The following TRPC1 variants were observed in gnomAD, a reference collection of about 807,000 sequenced individuals.
TRPC1 encodes the protein short transient receptor potential channel 1.
Under a neutral mutation model 88.2 loss-of-function variants are expected in TRPC1, and 42 were observed. The observed-to-expected ratio is 0.48, with a 90% confidence interval of 0.37 to 0.62. The LOEUF (loss-of-function observed/expected upper bound fraction) is 0.62. Ranked by LOEUF, TRPC1 falls within the 20% of genes least tolerant of loss-of-function variation. The probability of loss-of-function intolerance (pLI) is 0.00; values close to 1 mark genes in which losing one functional copy is unlikely to be tolerated. For synonymous variants in TRPC1, 288 were observed against 331.8 expected, an observed-to-expected ratio of 0.87 and a Z score of 1.43; for missense variants, 699 against 957.3, an observed-to-expected ratio of 0.73 and a Z score of 3.56.
rs568345765 is a variant in TRPC1 at position 142,790,326 on chromosome 3, A to G, written c.1298-693A>G. On this transcript the variant is annotated intron_variant, in intron 7 of 12. Coordinates refer to ENST00000476941, the MANE Select transcript of TRPC1 (RefSeq NM_001251845.2). ...TAGGTAATTTGGAGACTTGCAGGCC[A>G]TTGTAAAGACTGGTTTTGATTCTGA... Among the ~76,000 whole-genome samples the G allele has an allele frequency of 3.9e-5, 6 of 152,256 alleles. No homozygotes were observed. In the South Asian group the frequency reaches 1.2e-3, roughly 32 times the overall value.
At position 142,724,870 on chromosome 3, in the gene TRPC1, G is replaced by GA; in HGVS notation, c.172+139_172+140insA. On this transcript the variant is annotated intron_variant, in intron 1 of 12. Coordinates refer to ENST00000476941, the MANE Select transcript of TRPC1 (RefSeq NM_001251845.2). The surrounding 1 kb of genome is among the most constrained non-coding windows in gnomAD (Gnocchi z 5.6). ...TCCCGCCTCGCCTGCTGCCTCAGGC[G>GA]GTCTTCTCCTCACCGCCTCTGCCCT... 5 of 1,035,944 alleles carry GA rather than the reference G, an allele frequency of 4.8e-6. No individual in the cohort carries two copies. The highest frequency in any genetic ancestry group is 5.2e-6 in the Non-Finnish European group (4 of 762,888). 64.2% of individuals were successfully genotyped at this position (1,035,944 alleles called of 1,614,324 possible).
intron 4 of TRPC1, among the ~76,000 whole-genome samples, chr3:142,760,177 T>G (rs1037540630): frequency 1.3e-5 from 2 of 152,206 alleles, no homozygotes; most frequent in Non-Finnish European, 2.9e-5. Flanking sequence ...CCCAGACCAG[T>G]GTCCTGAAGA....
At chr3:142,764,935 T>A (rs1935330977) in intron 4 of TRPC1, among the ~76,000 whole-genome samples, 1 of 152,142 alleles carries the variant, frequency 6.6e-6, no homozygotes. Flanking sequence ...ATAGGCAGTC[T>A]TTGTTCCTTT....
chr3:142,805,163 CACACACAT>C (rs1560123231), intron 12 of TRPC1, among the ~76,000 whole-genome samples: 5 of 147,952 alleles, frequency 3.4e-5, no homozygotes, highest in African/African-American at 1.0e-4. Context: ...CACACACACA[CACACACAT>C]ATAATTATTA....
chr3:142,762,311 C>T (rs1279908363), intron 4 of TRPC1, among the ~76,000 whole-genome samples: 1 of 152,020 alleles, frequency 6.6e-6, no homozygotes, highest in East Asian at 1.9e-4. Flanking sequence ...GCTAGGATTA[C>T]AGGTATGAGC....
intron 4 of TRPC1, among the ~76,000 whole-genome samples, chr3:142,773,154 C>T (rs998230392): frequency 1.4e-4 from 21 of 152,188 alleles, no homozygotes; most frequent in Non-Finnish European, 2.4e-4. Flanking sequence ...CAACCCATAG[C>T]AAGCCTCTCT....
chr3:142,770,093 CTTTTTTTT>C (rs779905124), intron 4 of TRPC1, among the ~76,000 whole-genome samples: 3 of 95,262 alleles, frequency 3.1e-5, no homozygotes, highest in African/African-American at 1.4e-4. Context: ...TTGTATGTTC[CTTTTTTTT>C]TTTTTTTTTT....
intron 1 of TRPC1, among the ~76,000 whole-genome samples, chr3:142,736,154 C>T (rs896028891): frequency 5.9e-5 from 9 of 151,978 alleles, no homozygotes; most frequent in Non-Finnish European, 5.9e-5. Context: ...TTATTCTGTA[C>T]ATTTAAAAAT....
rs556093579 is a variant in TRPC1, at chr3:142,805,442, T to A, written c.2155-566T>A. On this transcript the variant is annotated intron_variant, in intron 12 of 12. Coordinates refer to ENST00000476941, the MANE Select transcript of TRPC1 (RefSeq NM_001251845.2). The stretch of plus-strand genomic sequence containing the variant: ...GTAAAGGTCCAGATAGTAAATACTT[T>A]ACACTTTTCAGGCTGAGACAAAATC... Among the ~76,000 whole-genome samples, 216 of 152,190 alleles carry A rather than the reference T, an allele frequency of 1.4e-3. 1 individual carries two copies. Among genetic ancestry groups the A allele is most frequent in the African/African-American group, 5.1e-3 (212 of 41,482 alleles).
chr3:142,791,639 G>C (rs1298619518), intron 8 of TRPC1, among the ~76,000 whole-genome samples: 1 of 151,776 alleles, frequency 6.6e-6, no homozygotes, highest in Admixed American at 6.6e-5. Flanking sequence ...CTTAAAATGA[G>C]AACAAAGTAA....
chr3:142,728,209 G>A (rs1233973259), intron 1 of TRPC1, among the ~76,000 whole-genome samples: 3 of 152,112 alleles, frequency 2.0e-5, no homozygotes, highest in Non-Finnish European at 4.4e-5. Flanking sequence ...CATGGGGTTA[G>A]GGGGAGGGAT....
chr3:142,763,173 G>T (rs950592891), intron 4 of TRPC1, among the ~76,000 whole-genome samples: 2 of 152,078 alleles, frequency 1.3e-5, no homozygotes, highest in Non-Finnish European at 2.9e-5. Flanking sequence ...ATAAATGTCA[G>T]TTAGGCCTAT....
chr3:142,762,136 A>G (rs1935202185), intron 4 of TRPC1, among the ~76,000 whole-genome samples: 1 of 152,006 alleles, frequency 6.6e-6, no homozygotes, highest in Non-Finnish European at 1.5e-5. Flanking sequence ...CCTATGCTCA[A>G]GTGATCCTCC....
chr3:142,724,788 TCTCCCCCGCCTCAA>T lies in TRPC1; in HGVS notation c.172+60_172+73del, dbSNP rs1325457970. The T allele has an allele frequency of 6.9e-7, 1 of 1,446,834 alleles. No individual in the cohort carries two copies. The highest frequency in any genetic ancestry group is 9.2e-7 in the Non-Finnish European group (1 of 1,090,994). The allele number at this position is 1,446,834 out of a possible 1,614,324, so 89.6% of individuals were successfully genotyped here. A position where few individuals can be genotyped will look rare whatever the true frequency, so the allele number is the denominator to read the frequency against. On this transcript the variant is annotated intron_variant, in intron 1 of 12. Coordinates refer to ENST00000476941, the MANE Select transcript of TRPC1 (RefSeq NM_001251845.2). The surrounding 1 kb of genome is among the most constrained non-coding windows in gnomAD (Gnocchi z 5.6). Reference sequence around the variant, plus strand: ...CCCCTGTCCTCCAGACCTTTAGTCCTCTCCCCCGCCTCAACTTATATCGGGGCATTCCCTCTGTC... The same window carrying T: ...CCCCTGTCCTCCAGACCTTTAGTCCTCTTATATCGGGGCATTCCCTCTGTC...
At chr3:142,772,319 A>G (rs1018907334) in intron 4 of TRPC1, among the ~76,000 whole-genome samples, 1 of 151,864 alleles carries the variant, frequency 6.6e-6, no homozygotes, top group Non-Finnish European at 1.5e-5. Flanking sequence ...GGTGTTCCGC[A>G]TCTCTCTTAG....
At chr3:142,759,667 G>A (rs146494895) in intron 4 of TRPC1, among the ~76,000 whole-genome samples, 4,219 of 152,182 alleles carry the variant, frequency 0.028, 208 homozygotes, top group African/African-American at 0.097. Context: ...TTCTTTTGCT[G>A]TGCAGAAGCT....
In TRPC1 at chr3:142,743,549, A is replaced by G. The variant is rs1429249556; in HGVS notation, c.392A>G (p.Asn131Ser). The G allele has an allele frequency of 2.6e-6, 4 of 1,527,472 alleles. No individual in the cohort carries two copies. The highest frequency in any genetic ancestry group is 4.0e-5 in the Admixed American group (2 of 49,984). 94.6% of individuals were successfully genotyped at this position (1,527,472 alleles called of 1,614,324 possible). The stretch of plus-strand genomic sequence containing the variant: ...GTGGGAGCTGTTGATATACTACTTA[A>G]TCATCGACCAAAACGATCATCAAGA... The part of the protein sequence containing the change: ...EVVGAVDILL[N>S]HRPKRSSRPT... Residue 131 changes from asparagine to serine, a missense_variant, in exon 3 of 13, where the codon AAT becomes AGT. This residue lies in a region of TRPC1 where 426 missense variants were observed against 641.3 expected (regional missense o/e 0.66). Coordinates refer to ENST00000476941, the MANE Select transcript of TRPC1 (RefSeq NM_001251845.2).
intron 4 of TRPC1, among the ~76,000 whole-genome samples, chr3:142,759,647 A>G (rs1206672820): frequency 6.6e-6 from 1 of 151,590 alleles, no homozygotes; most frequent in Non-Finnish European, 1.5e-5. Context: ...CCCATTCTGT[A>G]GGTTGTAGTT....
intron 4 of TRPC1, among the ~76,000 whole-genome samples, chr3:142,766,139 T>G (rs1249522889): frequency 6.6e-6 from 1 of 152,210 alleles, no homozygotes; most frequent in Non-Finnish European, 1.5e-5. Context: ...CGCTTTATAG[T>G]AAGTTTTAAA....
Sources: allele counts gnomAD v4.1 joint callset (sites outside exome capture counted in the v4.1 genomes callset), GRCh38; gene constraint gnomAD v4.1.1; regional missense constraint gnomAD v4.1.1; non-coding constraint Gnocchi (gnomAD v3.1); transcripts MANE v1.5; gene names NCBI Gene and HGNC (gene_info 2026-07-23, HGNC 2026-07-21).